The following KIF6 variants were observed in gnomAD, a reference collection of about 807,000 sequenced individuals.
KIF6 encodes the protein kinesin-like protein KIF6.
A neutral mutation model predicts 112.7 loss-of-function variants in KIF6; 106 were observed. The observed-to-expected ratio is 0.94, with a 90% CI of 0.80 to 1.11. KIF6 has a LOEUF of 1.11. Ranked by LOEUF, KIF6 falls within the 50% of genes least tolerant of loss-of-function variation. The pLI is 0.00. For missense variants in KIF6, 929 were observed against 964.0 expected (o/e 0.96, Z 0.48); for synonymous variants, 339 against 339.9 (o/e 1.00, Z 0.03).
chr6:39,401,199 G>T (rs1270603233), intron 15 of KIF6, among the ~76,000 whole-genome samples: 1 of 152,244 alleles, frequency 6.6e-6, no homozygotes, highest in East Asian at 1.9e-4. Context: ...TTGTTACAGT[G>T]GCCGGAGGCC....
intron 13 of KIF6, among the ~76,000 whole-genome samples, chr6:39,536,062 C>T (rs1350935664): frequency 1.3e-5 from 2 of 151,762 alleles, no homozygotes; most frequent in Non-Finnish European, 2.9e-5. Context: ...ACATTCAAAG[C>T]AGTGTGTAGA....
intron 3 of KIF6, among the ~76,000 whole-genome samples, chr6:39,703,435 A>G (rs976053942): frequency 5.3e-5 from 8 of 152,168 alleles, no homozygotes; most frequent in African/African-American, 1.9e-4. Context: ...GGGAATAATA[A>G]TATCTATCAA....
intron 19 of KIF6, among the ~76,000 whole-genome samples, chr6:39,350,989 A>G (rs142600164): frequency 6.6e-6 from 1 of 152,142 alleles, no homozygotes; most frequent in East Asian, 1.9e-4. Context: ...CGCCGGCAGC[A>G]ACCACAGGGG....
At chr6:39,710,347 C>T (rs1412637794) in intron 3 of KIF6, among the ~76,000 whole-genome samples, 1 of 151,910 alleles carries the variant, frequency 6.6e-6, no homozygotes, top group Admixed American at 6.6e-5. Flanking sequence ...CAGACAAACG[C>T]ATTCTCAAAT....
At chr6:39,642,459 T>C (rs1192928639) in intron 3 of KIF6, among the ~76,000 whole-genome samples, 2 of 152,058 alleles carry the variant, frequency 1.3e-5, no homozygotes, top group Non-Finnish European at 2.9e-5. Context: ...TAGGGGGCAG[T>C]ATGGATTTGG....
intron 22 of KIF6, among the ~76,000 whole-genome samples, chr6:39,338,587 C>T (rs1763152865): frequency 6.6e-6 from 1 of 152,164 alleles, no homozygotes. Context: ...TTGTGGTTCC[C>T]AGCTCTGCTA....
At chr6:39,482,149 C>A (rs899532183) in intron 13 of KIF6, among the ~76,000 whole-genome samples, 2 of 152,104 alleles carry the variant, frequency 1.3e-5, no homozygotes, top group Non-Finnish European at 2.9e-5. Flanking sequence ...AATGGCTAGA[C>A]CCCAAGTCAT....
intron 3 of KIF6, among the ~76,000 whole-genome samples, chr6:39,702,650 C>A (rs1788937763): frequency 6.6e-6 from 1 of 152,290 alleles, no homozygotes; most frequent in East Asian, 1.9e-4. Flanking sequence ...GATCCTCCCA[C>A]CTCAGCCTCC....
chr6:39,509,866 A>C (rs1015575586), intron 13 of KIF6, among the ~76,000 whole-genome samples: 1 of 152,224 alleles, frequency 6.6e-6, no homozygotes, highest in Non-Finnish European at 1.5e-5. Context: ...ATTCAAATTC[A>C]GAAAATACAG....
At position 39,613,330 on chromosome 6, in the gene KIF6, G is replaced by C. The variant is rs776589802; in HGVS notation, c.510-12C>G. On this transcript the variant is annotated splice_polypyrimidine_tract_variant and intron_variant, in intron 5 of 22. Transcript: ENST00000287152. Reference sequence around the variant, plus strand: ...GTATTGTCACTTTCCTAAGCAAATGGGAAGCAAGAAAACAAGGTACTGCTG... The same window carrying C: ...GTATTGTCACTTTCCTAAGCAAATGCGAAGCAAGAAAACAAGGTACTGCTG... The C allele has an allele frequency of 6.4e-7, 1 of 1,557,698 alleles. No homozygotes were observed.
chr6:39,635,598 A>G (rs1001345822), intron 4 of KIF6, among the ~76,000 whole-genome samples: 2 of 152,040 alleles, frequency 1.3e-5, no homozygotes, highest in African/African-American at 4.8e-5. Flanking sequence ...ATGTTTAGCT[A>G]TTAGATAGAG....
chr6:39,526,389 CCCT>C (rs1562288000), intron 13 of KIF6, among the ~76,000 whole-genome samples: 1 of 152,170 alleles, frequency 6.6e-6, no homozygotes, highest in Non-Finnish European at 1.5e-5. Flanking sequence ...ACTATCCAGT[CCCT>C]TTTCTTGTGC....
rs535900210 is a variant in KIF6, at chr6:39,714,285, A to G, written c.251+407T>C. On this transcript the variant is annotated intron_variant, in intron 3 of 22. Transcript: ENST00000287152. ...TTAGGCAGCCTCCCAGGTGCCACCC[A>G]TACCTTATCCTTTGTCCATCTAACC... Among the ~76,000 whole-genome samples the G allele has an allele frequency of 2.9e-3, 439 of 152,270 alleles. 1 individual carries two copies. Among genetic ancestry groups the G allele is most frequent in the Middle Eastern group, 6.8e-3 (2 of 294 alleles).
chr6:39,441,126 AT>A (rs1771897396), intron 13 of KIF6, among the ~76,000 whole-genome samples: 1 of 152,192 alleles, frequency 6.6e-6, no homozygotes, highest in African/African-American at 2.4e-5. Flanking sequence ...AGGATGTTGA[AT>A]ATGCAGACCC....
At chr6:39,656,627 C>T (rs541549145) in intron 3 of KIF6, among the ~76,000 whole-genome samples, 1 of 152,272 alleles carries the variant, frequency 6.6e-6, no homozygotes, top group African/African-American at 2.4e-5. Flanking sequence ...AAAGATTTCC[C>T]ACACATTCAT....
At chr6:39,669,718 A>AT (rs1561914376) in intron 3 of KIF6, among the ~76,000 whole-genome samples, 1 of 152,232 alleles carries the variant, frequency 6.6e-6, no homozygotes, top group African/African-American at 2.4e-5. Context: ...TTTAGACCTT[A>AT]TGCGGGGCAG....
chr6:39,523,612 C>G (rs1343871945), intron 13 of KIF6, among the ~76,000 whole-genome samples: 4 of 136,170 alleles, frequency 2.9e-5, no homozygotes. Flanking sequence ...CCTCAGTGCT[C>G]TCTTCTTTAC....
chr6:39,687,146 A>G (rs1039178372), intron 3 of KIF6, among the ~76,000 whole-genome samples: 3 of 152,166 alleles, frequency 2.0e-5, no homozygotes, highest in Admixed American at 2.0e-4. Context: ...GGAAAATGTG[A>G]CCGGTTACAC....
At chr6:39,659,953 GGCCAACCTA>G (rs979182652) in intron 3 of KIF6, among the ~76,000 whole-genome samples, 22 of 152,182 alleles carry the variant, frequency 1.4e-4, no homozygotes, top group Admixed American at 1.2e-3. Context: ...GCTGAGAACT[GGCCAACCTA>G]GCCATATTAA....
Sources: gnomAD v4.1 joint callset for allele counts (sites outside exome capture counted in the v4.1 genomes callset) on GRCh38, gnomAD v4.1.1 for gene constraint, MANE v1.5 for transcripts, NCBI Gene and HGNC (gene_info 2026-07-23, HGNC 2026-07-21) for gene names.